The following ELP5 variants were observed in gnomAD, a reference collection of about 807,000 sequenced individuals.
The protein encoded by ELP5 is elongator acetyltransferase complex subunit 5.
A neutral mutation model predicts 33.4 loss-of-function variants in ELP5; 34 were observed. That is an observed-to-expected ratio of 1.02 (90% CI 0.78 to 1.36). The LOEUF (loss-of-function observed/expected upper bound fraction) is 1.36, where lower values mean the gene tolerates loss of function less well. Ranked by LOEUF, ELP5 falls within the 40% of genes most tolerant of loss-of-function variation. The pLI is 0.00. For synonymous variants in ELP5, 161 were observed against 146.4 expected (o/e 1.10, Z -0.72); for missense variants, 373 against 371.7 (o/e 1.00, Z -0.03).
intron 7 of ELP5, chr17:7,259,268 A>AGGGCTT: frequency 7.3e-7 from 1 of 1,371,774 alleles, no homozygotes; most frequent in Non-Finnish European, 9.4e-7. Context: ...CTGGTTAACA[A>AGGGCTT]GGGCTTAGTA....
rs758452625 is a variant in ELP5, at chr17:7,254,810, C to T, written c.409+7C>T. 1.9e-6 allele frequency: 3 copies of T among 1,610,820 alleles called. No individual in the cohort carries two copies. Among genetic ancestry groups the T allele is most frequent in the Non-Finnish European group, 1.7e-6 (2 of 1,177,010 alleles). The stretch of plus-strand genomic sequence containing the variant: ...CATCAGGACTCTTGTCCTGGTGAGA[C>T]CCCTCCTTCATTGTTTCCCCTCATA... On this transcript the variant is annotated splice_region_variant and intron_variant, in intron 4 of 7. Transcript: ENST00000396628.
At position 7,254,188 on chromosome 17, in the gene ELP5, C is replaced by G. The variant is rs902149289; in HGVS notation, c.189-395C>G. The stretch of plus-strand genomic sequence containing the variant: ...CCAAATCTCACGTCCTCTGCTTTCT[C>G]TTTTTTCACCCAGGGTGATAATCTT... On this transcript the variant is annotated intron_variant, in intron 3 of 7. Transcript: ENST00000396628. Among the ~76,000 whole-genome samples the G allele has an allele frequency of 5.3e-5, 8 of 152,286 alleles. No homozygotes were observed. The South Asian group carries it at 1.0e-3, about 20-fold the overall frequency.
intron 3 of ELP5, among the ~76,000 whole-genome samples, chr17:7,254,278 G>A (rs1321902175): frequency 6.6e-6 from 1 of 152,180 alleles, no homozygotes; most frequent in African/African-American, 2.4e-5. Context: ...CATATACTAT[G>A]TGTCAAGCAC....
At chr17:7,253,470 A>T (rs1024511897) in intron 3 of ELP5, among the ~76,000 whole-genome samples, 1 of 152,222 alleles carries the variant, frequency 6.6e-6, no homozygotes, top group Non-Finnish European at 1.5e-5. Flanking sequence ...TTTAGTGGGT[A>T]GAATTTCCAG....
chr17:7,254,904 TCAGAC>T, intron 4 of ELP5, 101 bp downstream of exon 4: 1 of 921,856 alleles, frequency 1.1e-6, no homozygotes, highest in Non-Finnish European at 1.6e-6. Flanking sequence ...GGTTCTCCAG[TCAGAC>T]CTTTTTTCAT....
rs756645553 is a variant in ELP5 at position 7,252,405 on chromosome 17, C to T, written c.-146C>T. 40 of 1,292,378 alleles carry T rather than the reference C, an allele frequency of 3.1e-5. No homozygotes were observed. Among genetic ancestry groups the T allele is most frequent in the Non-Finnish European group, 4.2e-5 (38 of 912,934 alleles). 80.1% of individuals were successfully genotyped at this position (1,292,378 alleles called of 1,614,324 possible). On this transcript the variant is annotated 5_prime_UTR_variant, in exon 1 of 8. Transcript: ENST00000396628. ...TGAGCGCCCCCCTGGGAATATTGAA[C>T]ATAATCACCTCTCATTCCAGACTAT... is the stretch of plus-strand genomic sequence containing the variant.
In ELP5 at chr17:7,256,962, T is replaced by C; in HGVS notation, c.515T>C (p.Val172Ala). The change falls in exon 5 of 8, where the codon GTG becomes GCG. Residue 172 changes from valine to alanine, a missense_variant. By Grantham distance (64) the Val-to-Ala change is moderately conservative. Transcript: ENST00000396628. ...CTCAGCAGCCTTGCTCAGACTGAGGTGACCCTGGGCGGTACCATGGGCCAG... is the reference window on the plus strand; with the variant it reads ...CTCAGCAGCCTTGCTCAGACTGAGGCGACCCTGGGCGGTACCATGGGCCAG... ...GALSSLAQTE[V>A]TLGGTMGQAS... 1 of 1,613,506 alleles carries C rather than the reference T, an allele frequency of 6.2e-7. No individual in the cohort carries two copies.
intron 1 of ELP5, 33 bp from the exon 2 acceptor site, chr17:7,252,737 T>G: frequency 1.2e-6 from 2 of 1,613,928 alleles, no homozygotes; most frequent in South Asian, 1.1e-5. Flanking sequence ...ATCCCAGCGC[T>G]CTCATACCCT....
At chr17:7,256,546 C>T (rs1351018411) in intron 4 of ELP5, among the ~76,000 whole-genome samples, 1 of 152,192 alleles carries the variant, frequency 6.6e-6, no homozygotes, top group Non-Finnish European at 1.5e-5. Flanking sequence ...ACAAGTACTT[C>T]CGTGTGTAAG....
chr17:7,256,451 A>G (rs1412269606), intron 4 of ELP5, among the ~76,000 whole-genome samples: 1 of 152,276 alleles, frequency 6.6e-6, no homozygotes, highest in African/African-American at 2.4e-5. Context: ...CGTTTAGCAT[A>G]GTACCTGACA....
At chr17:7,259,041 C>T in intron 7 of ELP5, 115 bp downstream of exon 7, 4 of 1,508,760 alleles carry the variant, frequency 2.7e-6, no homozygotes, top group Non-Finnish European at 3.5e-6. Context: ...TGAAGTCCAC[C>T]TCCAGAGACA....
In ELP5 at chr17:7,254,691, T is replaced by A. The variant is rs374705201; in HGVS notation, c.297T>A (p.Asp99Glu). 6.2e-6 allele frequency: 10 copies of A among 1,614,108 alleles called. No homozygotes were observed. In the African/African-American group the frequency reaches 1.3e-4, roughly 22 times the overall value. The change falls in exon 4 of 8, where the codon GAT becomes GAA. Residue 99 changes from aspartate (D) to glutamate (E), a missense_variant. By Grantham distance (45) the Asp-to-Glu change is conservative. Coordinates refer to ENST00000396628, the MANE Select transcript of ELP5 (RefSeq NM_203414.3). The part of the protein sequence containing the change: ...GALRAMCKRT[D>E]PVPVTIALDS... Reference sequence around the variant, plus strand: ...TGAGAGCCATGTGCAAGAGGACAGATCCTGTTCCTGTCACCATTGCTCTCG... The same window carrying A: ...TGAGAGCCATGTGCAAGAGGACAGAACCTGTTCCTGTCACCATTGCTCTCG...
rs78782818 is a variant in ELP5, at chr17:7,258,637, G to A, written c.641G>A (p.Gly214Glu). Residue 214 changes from glycine (G) to glutamate (E), a missense_variant, in exon 6 of 8, where the codon GGG (glycine) becomes GAG (glutamate). Gly to Glu is a moderately conservative substitution (Grantham distance 98, BLOSUM62 -2). Transcript: ENST00000396628. ...GACTTCAGCCTGGATCTCCAAGAGGGGCCCTCTGTAGAGTCCCAGCCCTAC... is the reference window on the plus strand; with the variant it reads ...GACTTCAGCCTGGATCTCCAAGAGGAGCCCTCTGTAGAGTCCCAGCCCTAC... ...LPDFSLDLQE[G>E]PSVESQPYSD... 3.5e-3 allele frequency: 5,644 copies of A among 1,614,044 alleles called. 175 individuals are homozygous for A. The African/African-American group carries it at 0.063, about 18-fold the overall frequency.
In ELP5 at chr17:7,259,692, A is replaced by G. The variant is rs371307004; in HGVS notation, c.*7A>G. 20 of 1,614,058 alleles carry G rather than the reference A, an allele frequency of 1.2e-5. No individual in the cohort carries two copies. In the African/African-American group the frequency reaches 2.5e-4, roughly 20 times the overall value. On this transcript the variant is annotated 3_prime_UTR_variant, in exon 8 of 8. Coordinates refer to ENST00000396628, the MANE Select transcript of ELP5 (RefSeq NM_203414.3). ...TGACGACCTGGATATTTGACTGGCCAGATTTGATTAGATTGTAATTGGAGG... is the reference window on the plus strand; with the variant it reads ...TGACGACCTGGATATTTGACTGGCCGGATTTGATTAGATTGTAATTGGAGG...
At position 7,258,666 on chromosome 17, in the gene ELP5, G is replaced by A. The variant is rs563674612; in HGVS notation, c.670G>A (p.Asp224Asn). 5.1e-5 allele frequency: 82 copies of A among 1,614,022 alleles called. 2 individuals carry two copies. The highest frequency in any genetic ancestry group is 4.5e-4 in the South Asian group (41 of 91,058). ...GPSVESQPYS[D>N]PHIPPVDPTT... ...CTCTGTAGAGTCCCAGCCCTACTCC[G>A]ATCCTCATATACCCCCGGTATCTAA... The change falls in exon 6 of 8, where the codon GAT (aspartate) becomes AAT (asparagine). Residue 224 changes from aspartate (D) to asparagine (N), a missense_variant. Physicochemically the swap from Asp to Asn is conservative, Grantham distance 23 (BLOSUM62 1). Coordinates refer to ENST00000396628, the MANE Select transcript of ELP5 (RefSeq NM_203414.3).
Position 7,252,402 on chromosome 17 carries a change from G to A in ELP5, c.-149G>A. The A allele has an allele frequency of 2.4e-6, 3 of 1,268,380 alleles. No individual in the cohort carries two copies. Among genetic ancestry groups the A allele is most frequent in the Non-Finnish European group, 3.4e-6 (3 of 892,522 alleles). 78.6% of individuals were successfully genotyped at this position (1,268,380 alleles called of 1,614,324 possible). Reference sequence around the variant, plus strand: ...GCGTGAGCGCCCCCCTGGGAATATTGAACATAATCACCTCTCATTCCAGAC... The same window carrying A: ...GCGTGAGCGCCCCCCTGGGAATATTAAACATAATCACCTCTCATTCCAGAC... On this transcript the variant is annotated 5_prime_UTR_variant, in exon 1 of 8. Transcript: ENST00000396628.
chr17:7,256,867 C>T lies in ELP5; in HGVS notation c.420C>T (p.Ser140=). The T allele has an allele frequency of 6.2e-7, 1 of 1,614,220 alleles. No homozygotes were observed. The highest frequency in any genetic ancestry group is 8.5e-7 in the Non-Finnish European group (1 of 1,180,040). Residue 140 remains serine, a synonymous_variant, in exon 5 of 8, where the codon TCC becomes TCT. Transcript: ENST00000396628. ...SHQDSCPGDS[S]SVGKVSVLGL... is the part of the protein sequence containing the mutation. ...CTTGTCCTCCTCTAGGTGACAGCTCCTCAGTGGGGAAAGTGAGTGTGCTGG... is the reference window on the plus strand; with the variant it reads ...CTTGTCCTCCTCTAGGTGACAGCTCTTCAGTGGGGAAAGTGAGTGTGCTGG...
chr17:7,254,934 T>C lies in ELP5; in HGVS notation c.409+131T>C, dbSNP rs556165387. 174 of 683,074 alleles carry C rather than the reference T, an allele frequency of 2.5e-4. No homozygotes were observed. The African/African-American group carries it at 3.8e-3, about 15-fold the overall frequency. 42.3% of individuals were successfully genotyped at this position (683,074 alleles called of 1,614,324 possible). On this transcript the variant is annotated intron_variant, in intron 4 of 7. Coordinates refer to ENST00000396628, the MANE Select transcript of ELP5 (RefSeq NM_203414.3). ...CCTTTTTTCATTTTTTTGACTTTTT[T>C]GTCTGTTTTTTTTTTTTTTTACTTC...
intron 5 of ELP5, 78 bp from the exon 6 acceptor site, chr17:7,258,510 G>A: frequency 7.2e-7 from 1 of 1,388,444 alleles, no homozygotes; most frequent in Non-Finnish European, 1.0e-6. Context: ...GGTGATTGGG[G>A]GCTGAGGATG....
Sources: gnomAD v4.1 joint callset for allele counts (sites outside exome capture counted in the v4.1 genomes callset) on GRCh38, gnomAD v4.1.1 for gene constraint, MANE v1.5 for transcripts, NCBI Gene and HGNC (gene_info 2026-07-23, HGNC 2026-07-21) for gene names.